Variants in SH3PXD2A observed in about 807,000 individuals in gnomAD.
The protein encoded by SH3PXD2A is SH3 and PX domains 2A, also known as SH3 and PX domain-containing protein 2A.
A neutral mutation model predicts 115.2 loss-of-function variants in SH3PXD2A; 32 were observed. The ratio of observed to expected loss-of-function variants is 0.28; its 90% CI spans 0.21 to 0.37. SH3PXD2A has a LOEUF of 0.37. Ranked by LOEUF, SH3PXD2A falls within the 10% of genes least tolerant of loss-of-function variation. The pLI is 1.00. For synonymous variants in SH3PXD2A, 610 were observed against 629.1 expected (o/e 0.97, Z 0.45); for missense variants, 1,328 against 1,498.7 (o/e 0.89, Z 1.88).
chr10:103,833,777 T>A (rs2039504145), intron 1 of SH3PXD2A, among the ~76,000 whole-genome samples: 1 of 152,202 alleles, frequency 6.6e-6, no homozygotes, highest in South Asian at 2.1e-4. Flanking sequence ...TGTGGAACAC[T>A]TGGCCACTTC....
chr10:103,752,733 C>T (rs774592480), intron 3 of SH3PXD2A, among the ~76,000 whole-genome samples: 2 of 152,222 alleles, frequency 1.3e-5, no homozygotes, highest in Non-Finnish European at 2.9e-5. Flanking sequence ...GGACATCTTT[C>T]TTCCTTGTTT....
At chr10:103,643,496 A>G (rs2036985658) in intron 8 of SH3PXD2A, among the ~76,000 whole-genome samples, 1 of 152,242 alleles carries the variant, frequency 6.6e-6, no homozygotes, top group African/African-American at 2.4e-5. Flanking sequence ...GAGATTCCGG[A>G]AAAACACATA....
rs1564838735 is a variant in SH3PXD2A at position 103,596,130 on chromosome 10, C to T, written c.*5686G>A. The T allele has an allele frequency of 1.3e-5, 2 of 152,124 alleles. No homozygotes were observed. The highest frequency in any genetic ancestry group is 2.1e-4 in the South Asian group (1 of 4,826). The allele number at this position is 152,124 out of a possible 1,614,324, so 9.4% of individuals were successfully genotyped here. ...CACCTGCAGGTCTTGTTGGGTGCACCGTGAGCAAGTTCTCACCCCAACCAC... is the reference window on the plus strand; with the variant it reads ...CACCTGCAGGTCTTGTTGGGTGCACTGTGAGCAAGTTCTCACCCCAACCAC... On this transcript the variant is annotated 3_prime_UTR_variant, in exon 15 of 15. Transcript: ENST00000369774.
intron 7 of SH3PXD2A, among the ~76,000 whole-genome samples, chr10:103,664,169 G>A (rs1326017856): frequency 6.6e-6 from 1 of 152,196 alleles, no homozygotes; most frequent in African/African-American, 2.4e-5. Flanking sequence ...CACAAAAAGG[G>A]CCATCCCTGC....
At chr10:103,611,760 C>G in intron 12 of SH3PXD2A, 130 bp from the exon 13 acceptor site, 1 of 766,868 alleles carries the variant, frequency 1.3e-6, no homozygotes, top group South Asian at 1.5e-5. Flanking sequence ...TTATGAAGGA[C>G]TTGACACTCT....
chr10:103,667,619 G>A (rs570221421), intron 7 of SH3PXD2A, among the ~76,000 whole-genome samples: 4 of 152,052 alleles, frequency 2.6e-5, no homozygotes, highest in Non-Finnish European at 4.4e-5. Flanking sequence ...CCCATTCCCC[G>A]CCCACAGCTG....
chr10:103,655,771 T>TA (rs60526548), intron 8 of SH3PXD2A, among the ~76,000 whole-genome samples: 1,533 of 46,186 alleles, frequency 0.033, 117 homozygotes, highest in African/African-American at 0.061. Flanking sequence ...AGACCCTGTC[T>TA]AAAAAAAAAA....
chr10:103,645,435 A>C (rs1332634660), intron 8 of SH3PXD2A, among the ~76,000 whole-genome samples: 1 of 152,196 alleles, frequency 6.6e-6, no homozygotes, highest in African/African-American at 2.4e-5. Flanking sequence ...ATCTGTCTTC[A>C]AGGACCCAAG....
intron 2 of SH3PXD2A, among the ~76,000 whole-genome samples, chr10:103,791,990 C>A (rs1364922745): frequency 6.6e-6 from 1 of 152,118 alleles, no homozygotes; most frequent in African/African-American, 2.4e-5. Context: ...CAAAGGGGAA[C>A]TCAGGAGAGG....
intron 10 of SH3PXD2A, among the ~76,000 whole-genome samples, chr10:103,618,592 G>A (rs1256561381): frequency 2.0e-5 from 3 of 152,240 alleles, no homozygotes; most frequent in Non-Finnish European, 4.4e-5. Flanking sequence ...TCTGGCGTGG[G>A]TGCTCCCCAG....
intron 1 of SH3PXD2A, among the ~76,000 whole-genome samples, chr10:103,809,618 CTT>C: frequency 6.6e-6 from 1 of 152,072 alleles, no homozygotes; most frequent in Non-Finnish European, 1.5e-5. Flanking sequence ...CAGTGCCTGC[CTT>C]TGTTTGCAGG....
chr10:103,747,038 T>A (rs2038512205), intron 3 of SH3PXD2A: 2 of 152,242 alleles, frequency 1.3e-5, no homozygotes, highest in Non-Finnish European at 2.9e-5. Context: ...CACGAACGTA[T>A]CCTCAGGGCC....
At chr10:103,679,719 C>T (rs764020414) in intron 6 of SH3PXD2A, among the ~76,000 whole-genome samples, 1 of 152,216 alleles carries the variant, frequency 6.6e-6, no homozygotes, top group Non-Finnish European at 1.5e-5. Flanking sequence ...GCAAGGTCCC[C>T]CTGGGGGGGC....
chr10:103,762,482 G>T (rs1564882994), intron 3 of SH3PXD2A, among the ~76,000 whole-genome samples: 1 of 151,928 alleles, frequency 6.6e-6, no homozygotes, highest in Non-Finnish European at 1.5e-5. Context: ...GCATAGGCCT[G>T]GGGGGGCTCC....
rs577658800 is a variant in SH3PXD2A at position 103,603,962 on chromosome 10, A to T, written c.1429-173T>A. On this transcript the variant is annotated intron_variant, in intron 14 of 14. Transcript: ENST00000369774. Reference sequence around the variant, plus strand: ...CCCAATATAGTAAATAATGCACCAGAATTCAAACCTAGGTCTCTATCATCT... The same window carrying T: ...CCCAATATAGTAAATAATGCACCAGTATTCAAACCTAGGTCTCTATCATCT... 2.0e-5 allele frequency among the ~76,000 whole-genome samples: 3 copies of T among 152,272 alleles called. No homozygotes were observed. In the South Asian group the frequency reaches 6.2e-4, roughly 32 times the overall value.
chr10:103,722,584 G>A lies in SH3PXD2A; in HGVS notation c.398+1686C>T, dbSNP rs191009202. The stretch of plus-strand genomic sequence containing the variant: ...CTCAAAGTGCTGGGATTACAGGTGT[G>A]AGCCAATATGCCTAGCTTTTTTTTT... On this transcript the variant is annotated intron_variant, in intron 5 of 14. Coordinates refer to ENST00000369774, the MANE Select transcript of SH3PXD2A (RefSeq NM_001394015.1). Among the ~76,000 whole-genome samples, 6 of 150,452 alleles carry A rather than the reference G, an allele frequency of 4.0e-5. No individual in the cohort carries two copies. The East Asian group carries it at 1.2e-3, about 29-fold the overall frequency.
At chr10:103,748,189 T>C (rs2134201565) in intron 3 of SH3PXD2A, among the ~76,000 whole-genome samples, 1 of 152,346 alleles carries the variant, frequency 6.6e-6, no homozygotes, top group African/African-American at 2.4e-5. Flanking sequence ...AGCTACATAC[T>C]GGGTGCTGTT....
chr10:103,850,264 A>C (rs1013189558), intron 1 of SH3PXD2A, among the ~76,000 whole-genome samples: 5 of 152,058 alleles, frequency 3.3e-5, no homozygotes, highest in Non-Finnish European at 7.3e-5. Context: ...CACACATGGT[A>C]ATTTCTACCC....
At chr10:103,735,043 C>T (rs1188156750) in intron 4 of SH3PXD2A, among the ~76,000 whole-genome samples, 1 of 152,214 alleles carries the variant, frequency 6.6e-6, no homozygotes, top group Non-Finnish European at 1.5e-5. Flanking sequence ...GGGCTTCCAA[C>T]CCAGGAAGAC....
Sources: gnomAD v4.1 joint callset for allele counts (sites outside exome capture counted in the v4.1 genomes callset) on GRCh38, gnomAD v4.1.1 for gene constraint, MANE v1.5 for transcripts, NCBI Gene and HGNC (gene_info 2026-07-23, HGNC 2026-07-21) for gene names.